The following SPATA13 variants were observed in gnomAD, a reference collection of about 807,000 sequenced individuals.
SPATA13 encodes spermatogenesis associated 13.
In SPATA13, 50 loss-of-function variants were observed where a neutral mutation model predicts 104.0. That is an observed-to-expected ratio of 0.48 (90% CI 0.38 to 0.61). The LOEUF is 0.61. SPATA13 is among the 20% of genes least tolerant of loss of function. SPATA13 has a pLI of 0.00. For synonymous variants in SPATA13, 606 were observed against 667.5 expected (o/e 0.91, Z 1.42); for missense variants, 1,524 against 1,690.6 (o/e 0.90, Z 1.73).
In SPATA13 at chr13:24,042,579, G is replaced by A. The variant is rs537360946; in HGVS notation, c.-112+24878G>A. On this transcript the variant is annotated intron_variant, in intron 3 of 14. Transcript: ENST00000424834. ...CACAAGCGCACATCTATGCCCGTGC[G>A]CGAACTCACTTCTCAGAGCACTGGC... 1.2e-4 allele frequency among the ~76,000 whole-genome samples: 19 copies of A among 152,344 alleles called. 1 individual carries two copies. The South Asian group carries it at 2.7e-3, about 22-fold the overall frequency.
intron 3 of SPATA13, among the ~76,000 whole-genome samples, chr13:24,129,610 G>A (rs957835005): frequency 8.5e-5 from 13 of 152,184 alleles, no homozygotes; most frequent in Non-Finnish European, 1.9e-4. Flanking sequence ...AGACGGGCAG[G>A]GCCACCCTAT....
At chr13:24,210,766 GTTTTTT>G (rs58789886) in intron 1 of SPATA13, among the ~76,000 whole-genome samples, 1 of 137,444 alleles carries the variant, frequency 7.3e-6, no homozygotes, top group African/African-American at 2.7e-5. Flanking sequence ...GAATTTTAGG[GTTTTTT>G]TTTTTTTTGT....
chr13:24,190,784 A>G (rs1869687431), intron 1 of SPATA13, among the ~76,000 whole-genome samples: 1 of 152,214 alleles, frequency 6.6e-6, no homozygotes, highest in Non-Finnish European at 1.5e-5. Flanking sequence ...TGAAATGACA[A>G]CAAAGGATTT....
intron 11 of SPATA13, among the ~76,000 whole-genome samples, chr13:24,299,727 C>T (rs890274965): frequency 3.9e-5 from 6 of 152,188 alleles, no homozygotes; most frequent in South Asian, 2.1e-4. Context: ...AGGCTTCCCG[C>T]GGGAGAAGGC....
rs145621864 is a variant in SPATA13, at chr13:24,115,237, G to A, written c.-112+97536G>A. Among the ~76,000 whole-genome samples, 5 of 152,332 alleles carry A rather than the reference G, an allele frequency of 3.3e-5. No homozygotes were observed. In the East Asian group the frequency reaches 9.7e-4, roughly 29 times the overall value. On this transcript the variant is annotated intron_variant, in intron 3 of 14. Coordinates refer to the SPATA13 transcript ENST00000424834. Reference sequence around the variant, plus strand: ...TTGGGTCTTCCAGGTGCCTCTCACAGCAGCAGTCATGGCAGCAGTGACTCT... The same window carrying A: ...TTGGGTCTTCCAGGTGCCTCTCACAACAGCAGTCATGGCAGCAGTGACTCT...
At chr13:24,280,781 A>G (rs1485600668) in intron 4 of SPATA13, among the ~76,000 whole-genome samples, 1 of 152,116 alleles carries the variant, frequency 6.6e-6, no homozygotes, top group African/African-American at 2.4e-5. Flanking sequence ...ATGCATGAAA[A>G]AAATGATGTG....
At chr13:24,292,315 A>G (rs1443062499) in intron 9 of SPATA13, among the ~76,000 whole-genome samples, 1 of 152,228 alleles carries the variant, frequency 6.6e-6, no homozygotes, top group Non-Finnish European at 1.5e-5. Flanking sequence ...GGGTACCTCA[A>G]GGTAGCAGTG....
chr13:24,235,955 C>T (rs1477820072), intron 2 of SPATA13, among the ~76,000 whole-genome samples: 1 of 152,180 alleles, frequency 6.6e-6, no homozygotes, highest in Non-Finnish European at 1.5e-5. Context: ...TCATGCAACA[C>T]TGTTGCATTC....
intron 3 of SPATA13, among the ~76,000 whole-genome samples, chr13:24,102,107 A>G (rs1880276085): frequency 6.6e-6 from 1 of 152,216 alleles, no homozygotes; most frequent in African/African-American, 2.4e-5. Flanking sequence ...AACAGCGCGT[A>G]GGGTTCCAAT....
intron 2 of SPATA13, among the ~76,000 whole-genome samples, chr13:24,017,095 G>T (rs1487669553): frequency 3.3e-5 from 5 of 152,216 alleles, no homozygotes; most frequent in Admixed American, 6.5e-5. Context: ...ATGGGGCCCA[G>T]CCCTGGGCCA....
chr13:24,105,674 GT>G (rs1291085913), intron 3 of SPATA13, among the ~76,000 whole-genome samples: 1 of 152,156 alleles, frequency 6.6e-6, no homozygotes, highest in Non-Finnish European at 1.5e-5. Context: ...AAAGCTCTCT[GT>G]TAAGGGCCGA....
intron 2 of SPATA13, among the ~76,000 whole-genome samples, chr13:24,014,689 A>G (rs1876629827): frequency 6.6e-6 from 1 of 152,186 alleles, no homozygotes; most frequent in Non-Finnish European, 1.5e-5. Flanking sequence ...TTGTTATTTA[A>G]CAACTTCCTT....
Position 24,223,780 on chromosome 13 carries a change from G to A in SPATA13, c.851G>A (p.Arg284Gln), listed in dbSNP as rs1244125031. The change falls in exon 2 of 13, where the codon CGG becomes CAG. Residue 284 changes from arginine (R) to glutamine (Q), a missense_variant. Transcript: ENST00000382108. Reference protein sequence around the residue: ...LADLRTAHDARVPQRTLSSSS... With the variant: ...LADLRTAHDAQVPQRTLSSSS... ...GACCTCAGGACGGCCCATGACGCAC[G>A]GGTACCACAGAGGACCCTGAGCAGT... 2.3e-5 allele frequency: 35 copies of A among 1,551,808 alleles called. No homozygotes were observed. The highest frequency in any genetic ancestry group is 2.4e-5 in the East Asian group (1 of 40,924).
At chr13:24,184,304 A>T (rs1230335739) in intron 1 of SPATA13, among the ~76,000 whole-genome samples, 1 of 152,182 alleles carries the variant, frequency 6.6e-6, no homozygotes, top group Non-Finnish European at 1.5e-5. Flanking sequence ...GAGCCAGATT[A>T]CTTTCCTTAT....
At chr13:23,983,408 GC>G (rs1273238262) in intron 1 of SPATA13, among the ~76,000 whole-genome samples, 1 of 152,124 alleles carries the variant, frequency 6.6e-6, no homozygotes, top group Non-Finnish European at 1.5e-5. Flanking sequence ...CGCTATGAAG[GC>G]CCTATCTCCA....
At chr13:24,229,046 T>TTACCAC (rs1872110529) in intron 2 of SPATA13, among the ~76,000 whole-genome samples, 2 of 152,150 alleles carry the variant, frequency 1.3e-5, no homozygotes, top group Non-Finnish European at 2.9e-5. Context: ...AGAGCAGTGG[T>TTACCAC]TTGTTGAACA....
chr13:24,096,831 C>G (rs1476087178), intron 3 of SPATA13, among the ~76,000 whole-genome samples: 2 of 152,162 alleles, frequency 1.3e-5, no homozygotes, highest in Non-Finnish European at 2.9e-5. Context: ...CCGGAAGAAT[C>G]ATGCAGGCCA....
chr13:24,301,329 G>A (rs1280418122), intron 12 of SPATA13, among the ~76,000 whole-genome samples: 1 of 152,152 alleles, frequency 6.6e-6, no homozygotes, highest in Admixed American at 6.5e-5. Flanking sequence ...TTTAGTCAGT[G>A]AAGAACTGAT....
intron 4 of SPATA13, among the ~76,000 whole-genome samples, chr13:24,275,088 C>G (rs1485867386): frequency 6.6e-6 from 1 of 152,076 alleles, no homozygotes; most frequent in African/African-American, 2.4e-5. Context: ...TTGTAACAAT[C>G]CTTCCAATTT....
Sources: allele counts gnomAD v4.1 joint callset (sites outside exome capture counted in the v4.1 genomes callset), GRCh38; gene constraint gnomAD v4.1.1; transcripts MANE v1.5; gene names NCBI Gene and HGNC (gene_info 2026-07-23, HGNC 2026-07-21).